Variants in MGAM2 observed in about 807,000 individuals in gnomAD.
The protein encoded by MGAM2 is probable maltase-glucoamylase 2.
Under a neutral mutation model 96.1 loss-of-function variants are expected in MGAM2, and 98 were observed. That is an observed-to-expected ratio of 1.02 (90% CI 0.87 to 1.21). The LOEUF (loss-of-function observed/expected upper bound fraction) is 1.21, where lower values mean the gene tolerates loss of function less well. Among genes scored for constraint, MGAM2 ranks in the 50% most tolerant of loss-of-function variants. The pLI is 0.00. For missense variants in MGAM2, 2,055 were observed against 1,182.4 expected, an observed-to-expected ratio of 1.74 and a Z score of -10.82; for synonymous variants, 749 against 414.8, an observed-to-expected ratio of 1.81 and a Z score of -9.79.
At chr7:142,159,862 A>C (rs1166689853) in intron 20 of MGAM2, among the ~76,000 whole-genome samples, 3 of 152,194 alleles carry the variant, frequency 2.0e-5, no homozygotes, top group Non-Finnish European at 2.9e-5. Context: ...TTGTGTAGCT[A>C]TCAAGACTGG....
In MGAM2 at chr7:142,146,631, C is replaced by T. The variant is rs1795392882; in HGVS notation, c.1517-825C>T. Reference sequence around the variant, plus strand: ...GGCAGAGAAGACTGGCCATTTCAGGCTTGAGGAAGGGAAAATGCAAACAAT... The same window carrying T: ...GGCAGAGAAGACTGGCCATTTCAGGTTTGAGGAAGGGAAAATGCAAACAAT... On this transcript the variant is annotated intron_variant, in intron 14 of 47. Transcript: ENST00000477922. Among the ~76,000 whole-genome samples the T allele has an allele frequency of 2.0e-5, 3 of 151,976 alleles. No individual in the cohort carries two copies. In the South Asian group the frequency reaches 6.2e-4, roughly 31 times the overall value.
chr7:142,174,564 T>G (rs1796302191), intron 31 of MGAM2, among the ~76,000 whole-genome samples: 1 of 151,988 alleles, frequency 6.6e-6, no homozygotes, highest in African/African-American at 2.4e-5. Flanking sequence ...GTTAAGAAAC[T>G]TTTGGGTTGA....
At chr7:142,166,505 C>T (rs759886893) in intron 25 of MGAM2, among the ~76,000 whole-genome samples, 1 of 152,150 alleles carries the variant, frequency 6.6e-6, no homozygotes, top group Non-Finnish European at 1.5e-5. Context: ...ATTGGGTATG[C>T]ATTATGCATT....
In MGAM2 at chr7:142,157,958, G is replaced by T; in HGVS notation, c.1945G>T (p.Gly649Cys). ...CTAGGACCAGGATCCCGCTGCCTTT[G>T]GTGTTGATTCCCTGCTGCTGAAATC... ...GFRDQDPAAF[G>C]VDSLLLKSSR... Residue 649 changes from glycine to cysteine, a missense_variant, in exon 18 of 48, where the codon GGT (glycine) becomes TGT (cysteine). Coordinates refer to ENST00000477922, the MANE Select transcript of MGAM2 (RefSeq NM_001293626.2). 2.8e-6 allele frequency: 2 copies of T among 702,968 alleles called. No individual in the cohort carries two copies. 43.5% of individuals were successfully genotyped at this position (702,968 alleles called of 1,614,324 possible). A position where few individuals can be genotyped will look rare whatever the true frequency, so the allele number is the denominator to read the frequency against.
Position 142,218,523 on chromosome 7 carries a change from T to C in MGAM2, c.5350T>C (p.Tyr1784His), listed in dbSNP as rs1585230764. 1 of 695,950 alleles carries C rather than the reference T, an allele frequency of 1.4e-6. No homozygotes were observed. Among genetic ancestry groups the C allele is most frequent in the East Asian group, 2.7e-5 (1 of 37,090 alleles). The allele number at this position is 695,950 out of a possible 1,614,324, so 43.1% of individuals were successfully genotyped here. The change falls in exon 47 of 48, where the codon TAT (tyrosine) becomes CAT (histidine). Residue 1784 changes from tyrosine to histidine, a missense_variant. By Grantham distance (83) the Tyr-to-His change is moderately conservative. Transcript: ENST00000477922. ...FMETNFKSEP[Y>H]NQILTIQLTD... is the part of the protein sequence containing the mutation. ...GGAGACAAATTTCAAGAGTGAACCT[T>C]ATAATCAGGTAGGTCTGAAAGGAAT...
chr7:142,196,544 A>G (rs1221971311), intron 38 of MGAM2, 21 bp from the exon 39 acceptor site: 3 of 714,874 alleles, frequency 4.2e-6, no homozygotes, highest in Non-Finnish European at 7.7e-6. Context: ...CCTCCAACAC[A>G]GCTGTGTCTT....
At chr7:142,187,442 C>A (rs1336651240) in intron 35 of MGAM2, among the ~76,000 whole-genome samples, 2 of 152,210 alleles carry the variant, frequency 1.3e-5, no homozygotes, top group African/African-American at 4.8e-5. Flanking sequence ...GGTCCTGTGT[C>A]CAGCATTACC....
At chr7:142,202,135 A>G (rs1797255736) in intron 45 of MGAM2, among the ~76,000 whole-genome samples, 1 of 152,208 alleles carries the variant, frequency 6.6e-6, no homozygotes, top group Non-Finnish European at 1.5e-5. Context: ...TCCAGTCTAT[A>G]GTCACAGAAA....
At position 142,199,910 on chromosome 7, in the gene MGAM2, T is replaced by C. The variant is rs142598147; in HGVS notation, c.5079T>C (p.Ala1693=). 9.1e-5 allele frequency: 63 copies of C among 694,268 alleles called. No individual in the cohort carries two copies. In the Middle Eastern group the frequency reaches 1.2e-3, roughly 13 times the overall value. The allele number at this position is 694,268 out of a possible 1,614,324, so 43.0% of individuals were successfully genotyped here. The part of the protein sequence containing the change: ...SRQNFMGLIV[A]LDDNGTAEGQ... ...AAAATTTTATGGGATTGATTGTTGCTTTGGATGACAATGGGACAGCTGAAG... is the reference window on the plus strand; with the variant it reads ...AAAATTTTATGGGATTGATTGTTGCCTTGGATGACAATGGGACAGCTGAAG... The change falls in exon 45 of 48, where the codon GCT becomes GCC. Residue 1693 remains alanine (A), a synonymous_variant. Transcript: ENST00000477922.
At chr7:142,155,025 G>A (rs1795697435) in intron 17 of MGAM2, among the ~76,000 whole-genome samples, 180 bp downstream of exon 17, 1 of 152,204 alleles carries the variant, frequency 6.6e-6, no homozygotes, top group African/African-American at 2.4e-5. Context: ...CATTGGAAGG[G>A]ATATGTATAT....
In MGAM2 at chr7:142,131,054, A is replaced by C. The variant is rs997498123; in HGVS notation, c.293A>C (p.His98Pro). 1 of 702,576 alleles carries C rather than the reference A, an allele frequency of 1.4e-6. No homozygotes were observed. The highest frequency in any genetic ancestry group is 2.6e-6 in the Non-Finnish European group (1 of 385,024). The allele number at this position is 702,576 out of a possible 1,614,324, so 43.5% of individuals were successfully genotyped here. Reference sequence around the variant, plus strand: ...TGGGGCTATGAAGCCAGCAATGGCCATACAAATACAAGCACAGGTGAGCAC... The same window carrying C: ...TGGGGCTATGAAGCCAGCAATGGCCCTACAAATACAAGCACAGGTGAGCAC... ...WNWGYEASNG[H>P]TNTSTGFTAQ... Residue 98 changes from histidine (H) to proline (P), a missense_variant, in exon 4 of 48, where the codon CAT (histidine) becomes CCT (proline). Coordinates refer to ENST00000477922, the MANE Select transcript of MGAM2 (RefSeq NM_001293626.2).
intron 14 of MGAM2, among the ~76,000 whole-genome samples, chr7:142,145,598 C>T (rs192089941): frequency 7.0e-4 from 106 of 152,138 alleles, no homozygotes; most frequent in African/African-American, 2.5e-3. Context: ...ACATATAAAC[C>T]CCAATATCTC....
intron 3 of MGAM2, 83 bp downstream of exon 3, chr7:142,120,464 G>T: frequency 3.1e-6 from 2 of 649,070 alleles, no homozygotes; most frequent in South Asian, 1.7e-5. Context: ...AAGGGTGGGG[G>T]TGGCATGGCT....
intron 15 of MGAM2, among the ~76,000 whole-genome samples, chr7:142,152,611 G>A (rs1028832223): frequency 1.3e-5 from 2 of 152,192 alleles, no homozygotes; most frequent in East Asian, 1.9e-4. Context: ...GGAATTGCCT[G>A]GTGCCTGGTG....
chr7:142,127,392 T>A (rs372421810), intron 3 of MGAM2, among the ~76,000 whole-genome samples: 2 of 152,192 alleles, frequency 1.3e-5, no homozygotes, highest in East Asian at 3.8e-4. Flanking sequence ...ATAATTGAAT[T>A]TGATTTTTAA....
At chr7:142,191,835 T>C (rs1179415896) in intron 37 of MGAM2, among the ~76,000 whole-genome samples, 1 of 152,202 alleles carries the variant, frequency 6.6e-6, no homozygotes. Flanking sequence ...ATTAAGTCTC[T>C]TTTGATTCAT....
chr7:142,203,476 T>A (rs1446532513), intron 45 of MGAM2, among the ~76,000 whole-genome samples: 2 of 152,112 alleles, frequency 1.3e-5, no homozygotes, highest in Non-Finnish European at 2.9e-5. Flanking sequence ...ATGTCATTTT[T>A]CACAGAATTA....
intron 32 of MGAM2, among the ~76,000 whole-genome samples, chr7:142,179,459 C>T (rs963487183): frequency 2.0e-5 from 3 of 152,100 alleles, no homozygotes; most frequent in Admixed American, 6.6e-5. Flanking sequence ...ATGCTTCCAG[C>T]TTTTTCCCAT....
intron 36 of MGAM2, among the ~76,000 whole-genome samples, chr7:142,188,109 A>AACACACAC (rs60052742): frequency 0.025 from 3,565 of 143,608 alleles, 73 homozygotes; most frequent in East Asian, 0.055. Flanking sequence ...TAAACCCTTA[A>AACACACAC]ACACACACAC....
Sources: allele counts gnomAD v4.1 joint callset (sites outside exome capture counted in the v4.1 genomes callset), GRCh38; gene constraint gnomAD v4.1.1; transcripts MANE v1.5; gene names NCBI Gene and HGNC (gene_info 2026-07-23, HGNC 2026-07-21).